The following RNF169 variants were observed in gnomAD, a reference collection of about 807,000 sequenced individuals.
The protein encoded by RNF169 is ring finger protein 169.
Under a neutral mutation model 53.9 loss-of-function variants are expected in RNF169, and 24 were observed. That is an observed-to-expected ratio of 0.45 (90% CI 0.32 to 0.63). RNF169 has a LOEUF of 0.63. Among genes scored for constraint, RNF169 ranks in the 20% least tolerant of loss-of-function variants. The pLI is 0.04. For missense variants in RNF169, 883 were observed against 906.2 expected, an observed-to-expected ratio of 0.97 and a Z score of 0.33; for synonymous variants, 396 against 363.5, an observed-to-expected ratio of 1.09 and a Z score of -1.02.
intron 2 of RNF169, among the ~76,000 whole-genome samples, chr11:74,801,681 G>A (rs1228726513): frequency 6.6e-6 from 1 of 152,220 alleles, no homozygotes; most frequent in African/African-American, 2.4e-5. Context: ...GCACAGTGGT[G>A]CACACCTATA....
In RNF169 at chr11:74,810,329, G is replaced by C; in HGVS notation, c.722G>C (p.Arg241Pro). The C allele has an allele frequency of 6.2e-7, 1 of 1,612,880 alleles. No individual in the cohort carries two copies. Among genetic ancestry groups the C allele is most frequent in the Non-Finnish European group, 8.5e-7 (1 of 1,179,640 alleles). ...EPLVLKTNLE[R>P]CPARLSDSEN... ...TTAGTACTGAAAACAAATCTGGAAC[G>C]TGTAAGTAAATCACCTTTTTAATGG... The change falls in exon 3 of 6, where the codon CGT becomes CCT. Residue 241 changes from arginine to proline, a missense_variant and splice_region_variant. Arg to Pro is a moderately radical substitution (Grantham distance 103). Coordinates refer to ENST00000299563, the MANE Select transcript of RNF169 (RefSeq NM_001098638.2).
At chr11:74,798,920 C>T (rs893416846) in intron 2 of RNF169, among the ~76,000 whole-genome samples, 4 of 151,886 alleles carry the variant, frequency 2.6e-5, no homozygotes, top group Non-Finnish European at 4.4e-5. Flanking sequence ...CGGGCATGGT[C>T]GTGCATGCTT....
intron 1 of RNF169, among the ~76,000 whole-genome samples, chr11:74,755,325 G>A (rs911319817): frequency 2.0e-5 from 3 of 152,206 alleles, no homozygotes; most frequent in Non-Finnish European, 4.4e-5. Context: ...CAGGAATTTA[G>A]GAGGTATTTG....
intron 1 of RNF169, 54 bp downstream of exon 1, chr11:74,749,436 G>T: frequency 8.3e-7 from 1 of 1,210,514 alleles, no homozygotes; most frequent in Non-Finnish European, 1.0e-6. Flanking sequence ...GCGCGCCCCG[G>T]CCCGGCCTGG....
intron 1 of RNF169, among the ~76,000 whole-genome samples, chr11:74,782,015 A>C (rs1476152224): frequency 6.6e-6 from 1 of 152,210 alleles, no homozygotes; most frequent in African/African-American, 2.4e-5. Context: ...TAGAGATGGA[A>C]ATTAGCCTTT....
At position 74,842,366 on chromosome 11, in the gene RNF169, A is replaced by G. The variant is rs756900976; in HGVS notation, c.*5636A>G. 3.9e-5 allele frequency: 6 copies of G among 152,260 alleles called. No individual in the cohort carries two copies. Among genetic ancestry groups the G allele is most frequent in the Non-Finnish European group, 8.8e-5 (6 of 68,046 alleles). 9.4% of individuals were successfully genotyped at this position (152,260 alleles called of 1,614,324 possible). ...CTTCAATGTATGTTTGCCTGCTTGAAGCAAGGCCCAAGTTGAGAATACAGT... is the reference window on the plus strand; with the variant it reads ...CTTCAATGTATGTTTGCCTGCTTGAGGCAAGGCCCAAGTTGAGAATACAGT... On this transcript the variant is annotated 3_prime_UTR_variant, in exon 6 of 6. Transcript: ENST00000299563.
intron 1 of RNF169, among the ~76,000 whole-genome samples, chr11:74,750,865 GTTTTTTTTTT>G (rs35173529): frequency 1.0e-4 from 6 of 60,128 alleles, no homozygotes; most frequent in Non-Finnish European, 1.5e-4. Context: ...GCCTCCCAAG[GTTTTTTTTTT>G]TTTTTTTTTT....
chr11:74,836,708 G>A lies in RNF169; in HGVS notation c.2105G>A (p.Ser702Asn), dbSNP rs2036263281. 6.2e-7 allele frequency: 1 copy of A among 1,610,618 alleles called. No homozygotes were observed. Among genetic ancestry groups the A allele is most frequent in the Non-Finnish European group, 8.5e-7 (1 of 1,179,196 alleles). ...GTGGATCAGTATCTCCTACGGTCCA[G>A]CAACATGGCCGGGGCCAAGTAGCAC... ...GSVDQYLLRSSNMAGAK is the reference protein window; with the variant it reads ...GSVDQYLLRSNNMAGAK The change falls in exon 6 of 6, where the codon AGC becomes AAC. Residue 702 changes from serine to asparagine, a missense_variant. Ser to Asn is a conservative substitution (Grantham distance 46). Transcript: ENST00000299563.
chr11:74,783,041 G>A (rs1378163422), intron 1 of RNF169, among the ~76,000 whole-genome samples: 1 of 151,410 alleles, frequency 6.6e-6, no homozygotes. Context: ...GAAAATGAAT[G>A]TACAGGGGTA....
In RNF169 at chr11:74,749,111, A is replaced by C; in HGVS notation, c.231A>C (p.Glu77Asp). ...GCAGCLEPPG[E>D]AAALPCGHSL... is the part of the protein sequence containing the mutation. ...CCGGGTGCCTGGAGCCCCCCGGAGA[A>C]GCAGCGGCCCTGCCGTGCGGCCACT... The change falls in exon 1 of 6, where the codon GAA becomes GAC. Residue 77 changes from glutamate (E) to aspartate (D), a missense_variant. By Grantham distance (45) the Glu-to-Asp change is conservative. This residue lies in a region of RNF169 where 313 missense variants were observed against 279.9 expected (regional missense o/e 1.12). Coordinates refer to ENST00000299563, the MANE Select transcript of RNF169 (RefSeq NM_001098638.2). 1 of 1,413,268 alleles carries C rather than the reference A, an allele frequency of 7.1e-7. No homozygotes were observed. The highest frequency in any genetic ancestry group is 3.1e-5 in the East Asian group (1 of 32,652). 87.5% of individuals were successfully genotyped at this position (1,413,268 alleles called of 1,614,324 possible).
intron 1 of RNF169, among the ~76,000 whole-genome samples, chr11:74,774,045 T>A (rs2035295240): frequency 6.6e-6 from 1 of 152,072 alleles, no homozygotes; most frequent in Admixed American, 6.6e-5. Context: ...TGAAATAATG[T>A]TAAGCTAAAG....
chr11:74,827,922 C>A (rs182583178), intron 4 of RNF169, among the ~76,000 whole-genome samples: 12 of 152,312 alleles, frequency 7.9e-5, no homozygotes, highest in African/African-American at 2.9e-4. Flanking sequence ...AAAATAGGCA[C>A]AAGACAAGGA....
chr11:74,802,211 A>G (rs2035740929), intron 2 of RNF169, among the ~76,000 whole-genome samples: 1 of 152,176 alleles, frequency 6.6e-6, no homozygotes. Flanking sequence ...TATAAGCCCT[A>G]TACCCATGGC....
chr11:74,779,650 T>C (rs948033613), intron 1 of RNF169, among the ~76,000 whole-genome samples: 2 of 152,184 alleles, frequency 1.3e-5, no homozygotes, highest in African/African-American at 4.8e-5. Context: ...GGTTCAATTC[T>C]AGCTGATTTG....
At chr11:74,815,195 G>A (rs1284852267) in intron 3 of RNF169, among the ~76,000 whole-genome samples, 2 of 152,162 alleles carry the variant, frequency 1.3e-5, no homozygotes, top group Non-Finnish European at 1.5e-5. Context: ...AAATGTAGAG[G>A]GGTGGGAGAG....
chr11:74,763,457 AG>A (rs2035121537), intron 1 of RNF169, among the ~76,000 whole-genome samples: 1 of 152,254 alleles, frequency 6.6e-6, no homozygotes, highest in Non-Finnish European at 1.5e-5. Flanking sequence ...AAGTGGCTAA[AG>A]ACTTTAAAGA....
At chr11:74,752,597 A>G (rs77004624) in intron 1 of RNF169, among the ~76,000 whole-genome samples, 1 of 146,496 alleles carries the variant, frequency 6.8e-6, no homozygotes, top group Non-Finnish European at 1.5e-5. Flanking sequence ...CTCTGTCTCA[A>G]AAAAAAAAAA....
chr11:74,812,906 T>G lies in RNF169; in HGVS notation c.723+2576T>G, dbSNP rs12800957. Among the ~76,000 whole-genome samples the G allele has an allele frequency of 8.9e-3, 1,356 of 152,308 alleles. 9 individuals carry two copies. Among genetic ancestry groups the G allele is most frequent in the Middle Eastern group, 0.02 (6 of 294 alleles). On this transcript the variant is annotated intron_variant, in intron 3 of 5. Transcript: ENST00000299563. ...TGATTCTAGCTTATGTTTTCATCCT[T>G]GCTTATACCCCAAAACTCTAAGGAG... is the stretch of plus-strand genomic sequence containing the variant.
intron 3 of RNF169, among the ~76,000 whole-genome samples, chr11:74,811,273 G>A (rs1293931961): frequency 6.6e-6 from 1 of 152,130 alleles, no homozygotes; most frequent in Non-Finnish European, 1.5e-5. Context: ...GCAGGGTCTT[G>A]CTTTGTTGCC....
Sources: gnomAD v4.1 joint callset for allele counts (sites outside exome capture counted in the v4.1 genomes callset) on GRCh38, gnomAD v4.1.1 for gene constraint, gnomAD v4.1.1 regional missense constraint, MANE v1.5 for transcripts, NCBI Gene and HGNC (gene_info 2026-07-23, HGNC 2026-07-21) for gene names.